DNAJA2: variants seen among roughly 807,000 people sequenced by gnomAD.
DNAJA2 encodes the protein DnaJ heat shock protein family (Hsp40) member A2.
In DNAJA2, 6 loss-of-function variants were observed where a neutral mutation model predicts 49.3. The observed-to-expected ratio is 0.12, with a 90% confidence interval of 0.07 to 0.24. The LOEUF is 0.24. DNAJA2 is among the 10% of genes least tolerant of loss of function. The pLI, the probability that DNAJA2 is intolerant of heterozygous loss-of-function variation, is 1.00. For missense variants in DNAJA2, 347 were observed against 516.8 expected (o/e 0.67, Z 3.19); for synonymous variants, 160 against 172.7 (o/e 0.93, Z 0.58).
intron 3 of DNAJA2, among the ~76,000 whole-genome samples, chr16:46,970,627 T>TG (rs1055889796): frequency 2.8e-5 from 4 of 144,002 alleles, no homozygotes; most frequent in African/African-American, 5.3e-5. Flanking sequence ...CCCAGCTACT[T>TG]GGGGGGCTGA....
In DNAJA2 at chr16:46,957,070, T is replaced by C. The variant is rs1293016816; in HGVS notation, c.1198A>G (p.Ser400Gly). The change falls in exon 9 of 9, where the codon AGC (serine) becomes GGC (glycine). Residue 400 changes from serine to glycine, a missense_variant. Transcript: ENST00000317089. ...AYNDSSDEES[S>G]SHHGPGVQCA... Reference sequence around the variant, plus strand: ...TGCACTCCAGGTCCATGATGGCTGCTGCTTTCTTCATCAGAGCTATCATTA... The same window carrying C: ...TGCACTCCAGGTCCATGATGGCTGCCGCTTTCTTCATCAGAGCTATCATTA... 2 of 1,614,022 alleles carry C rather than the reference T, an allele frequency of 1.2e-6. No individual in the cohort carries two copies. Among genetic ancestry groups the C allele is most frequent in the African/African-American group, 2.7e-5 (2 of 74,910 alleles).
At chr16:46,964,840 G>A in intron 5 of DNAJA2, 33 bp from the exon 6 acceptor site, 1 of 1,563,804 alleles carries the variant, frequency 6.4e-7, no homozygotes, top group South Asian at 1.1e-5. Context: ...CTTTCAGCAA[G>A]AGTACTATAC....
chr16:46,958,563 CA>C (rs35370722), intron 8 of DNAJA2: 107,081 of 128,764 alleles, frequency 0.83, 45,703 homozygotes, highest in East Asian at 0.97. Context: ...GACTCCATCT[CA>C]AAAAAAAAAA....
intron 1 of DNAJA2, 133 bp downstream of exon 1, chr16:46,973,362 C>T: frequency 2.6e-6 from 2 of 755,960 alleles, no homozygotes; most frequent in Admixed American, 4.9e-5. Context: ...CCGCCGCCGC[C>T]GACTCCCAGC....
chr16:46,968,737 CAG>C (rs1412934576), intron 3 of DNAJA2, among the ~76,000 whole-genome samples: 1 of 152,070 alleles, frequency 6.6e-6, no homozygotes, highest in Non-Finnish European at 1.5e-5. Flanking sequence ...TATAGTATGA[CAG>C]AAAGGAGGGA....
At chr16:46,969,734 G>A (rs180798650) in intron 3 of DNAJA2, among the ~76,000 whole-genome samples, 38 of 152,180 alleles carry the variant, frequency 2.5e-4, no homozygotes, top group Admixed American at 8.5e-4. Flanking sequence ...TATATAAAAG[G>A]TAAATAAATC....
At chr16:46,968,284 T>A in intron 3 of DNAJA2, 120 bp from the exon 4 acceptor site, 1 of 619,188 alleles carries the variant, frequency 1.6e-6, no homozygotes. Flanking sequence ...CAAAAACACC[T>A]CATAATCTCA....
intron 1 of DNAJA2, 38 bp downstream of exon 1, chr16:46,973,457 C>A (rs765458669): frequency 1.3e-6 from 2 of 1,564,486 alleles, no homozygotes; most frequent in Admixed American, 1.8e-5. Context: ...CGCGCAGGCC[C>A]CGCGCCCCTC....
chr16:46,973,472 C>T (rs752087084), intron 1 of DNAJA2, 23 bp downstream of exon 1: 2 of 1,584,606 alleles, frequency 1.3e-6, no homozygotes, highest in South Asian at 2.3e-5. Context: ...CCCCTCACAC[C>T]CGCCCGGCCC....
intron 6 of DNAJA2, among the ~76,000 whole-genome samples, chr16:46,960,284 A>G (rs190791627): frequency 2.0e-5 from 3 of 152,310 alleles, no homozygotes. Context: ...AGGAACACAT[A>G]TTCTTGGGCC....
rs757500312 is a variant in DNAJA2, at chr16:46,968,181, C to G, written c.363-17G>C. The G allele has an allele frequency of 6.4e-7, 1 of 1,562,658 alleles. No homozygotes were observed. Among genetic ancestry groups the G allele is most frequent in the East Asian group, 2.3e-5 (1 of 43,414 alleles). ...AAAGATACTCTGGAAAGAAAAGAAT[C>G]GGCTTCAATCAAATTTTGCCACATT... On this transcript the variant is annotated splice_polypyrimidine_tract_variant and intron_variant, in intron 3 of 8. Transcript: ENST00000317089.
intron 4 of DNAJA2, 73 bp downstream of exon 4, chr16:46,968,011 G>A (rs1187590232): frequency 8.2e-6 from 11 of 1,345,580 alleles, no homozygotes; most frequent in South Asian, 2.7e-5. Context: ...CAATTTTTAC[G>A]TGGTACAGAC....
chr16:46,955,967 C>G lies in DNAJA2; in HGVS notation c.*1062G>C, dbSNP rs1961803633. ...CATCTTACTTTTCTATAAAACATTACAGAAACTCAAAATAATAATCAATGG... is the reference window on the plus strand; with the variant it reads ...CATCTTACTTTTCTATAAAACATTAGAGAAACTCAAAATAATAATCAATGG... On this transcript the variant is annotated 3_prime_UTR_variant, in exon 9 of 9. Transcript: ENST00000317089. 1 of 152,098 alleles carries G rather than the reference C, an allele frequency of 6.6e-6. No homozygotes were observed. Among genetic ancestry groups the G allele is most frequent in the Non-Finnish European group, 1.5e-5 (1 of 68,024 alleles). The allele number at this position is 152,098 out of a possible 1,614,324, so 9.4% of individuals were successfully genotyped here.
chr16:46,971,859 TA>T, intron 2 of DNAJA2, 36 bp downstream of exon 2: 1 of 1,572,740 alleles, frequency 6.4e-7, no homozygotes, highest in Non-Finnish European at 8.7e-7. Context: ...AAGTTAAAGC[TA>T]AAACCCCCGG....
intron 2 of DNAJA2, 149 bp from the exon 3 acceptor site, chr16:46,971,721 A>G: frequency 1.2e-6 from 1 of 814,822 alleles, no homozygotes; most frequent in Non-Finnish European, 2.0e-6. Context: ...TTTACCACCC[A>G]CCGCTCCTCA....
At chr16:46,973,321 G>C (rs984336028) in intron 1 of DNAJA2, among the ~76,000 whole-genome samples, 174 bp downstream of exon 1, 1 of 150,990 alleles carries the variant, frequency 6.6e-6, no homozygotes, top group African/African-American at 2.4e-5. Context: ...GCCGAGGCCG[G>C]AGTGCGCGGC....
chr16:46,957,864 C>T (rs1180777206), intron 8 of DNAJA2, among the ~76,000 whole-genome samples: 2 of 152,126 alleles, frequency 1.3e-5, no homozygotes, highest in Admixed American at 1.3e-4. Flanking sequence ...AATGAGGAAC[C>T]TGTTCTCTCC....
rs142113381 is a variant in DNAJA2 at position 46,966,247 on chromosome 16, A to T, written c.577+1266T>A. On this transcript the variant is annotated intron_variant, in intron 5 of 8. Coordinates refer to ENST00000317089, the MANE Select transcript of DNAJA2 (RefSeq NM_005880.4). ...CTATCTCCAAAAATAATAATAATTT[A>T]AAAAAATAAAGTAAAATGCCAAGAC... Among the ~76,000 whole-genome samples, 386 of 152,282 alleles carry T rather than the reference A, an allele frequency of 2.5e-3. 1 individual carries two copies. The highest frequency in any genetic ancestry group is 8.5e-3 in the African/African-American group (353 of 41,546).
chr16:46,958,837 T>G, intron 8 of DNAJA2, 166 bp downstream of exon 8: 1 of 701,928 alleles, frequency 1.4e-6, no homozygotes, highest in Non-Finnish European at 2.2e-6. Context: ...CCCAGCTCCT[T>G]GGGGGCTGAG....
Sources: gnomAD v4.1 joint callset for allele counts (sites outside exome capture counted in the v4.1 genomes callset) on GRCh38, gnomAD v4.1.1 for gene constraint, MANE v1.5 for transcripts, NCBI Gene and HGNC (gene_info 2026-07-23, HGNC 2026-07-21) for gene names.